The following CNOT4 variants were observed in gnomAD, a reference collection of about 807,000 sequenced individuals.
CNOT4 encodes CCR4-NOT transcription complex subunit 4.
CNOT4 carries 8 observed loss-of-function variants against 73.8 expected under a neutral mutation model. That is an observed-to-expected ratio of 0.11 (90% CI 0.06 to 0.20). The LOEUF (loss-of-function observed/expected upper bound fraction) is 0.20. Among genes scored for constraint, CNOT4 ranks in the 10% least tolerant of loss-of-function variants. The pLI is 1.00. For synonymous variants in CNOT4, 293 were observed against 321.1 expected (o/e 0.91, Z 0.94); for missense variants, 564 against 883.4 (o/e 0.64, Z 4.58).
At chr7:135,408,030 A>G (rs1039884421) in intron 7 of CNOT4, among the ~76,000 whole-genome samples, 1 of 152,228 alleles carries the variant, frequency 6.6e-6, no homozygotes, top group East Asian at 1.9e-4. Context: ...TTAAAATGAG[A>G]CAGCTTTTTT....
In CNOT4 at chr7:135,499,246, G is replaced by T. The variant is rs545650273; in HGVS notation, c.-93+10643C>A. ...GGGATGCTAGTTTGATTTGGAAAAG[G>T]CTAGACTGTATGTAGCCTCTCCAAC... is the stretch of plus-strand genomic sequence containing the variant. On this transcript the variant is annotated intron_variant, in intron 1 of 11. Coordinates refer to ENST00000541284, the MANE Select transcript of CNOT4 (RefSeq NM_001190850.2). Among the ~76,000 whole-genome samples, 168 of 152,172 alleles carry T rather than the reference G, an allele frequency of 1.1e-3. 1 individual carries two copies. Among genetic ancestry groups the T allele is most frequent in the South Asian group, 5.8e-3 (28 of 4,820 alleles).
chr7:135,446,568 ATTT>A (rs545221464), intron 1 of CNOT4, among the ~76,000 whole-genome samples: 1 of 152,176 alleles, frequency 6.6e-6, no homozygotes, highest in Non-Finnish European at 1.5e-5. Context: ...TAATAGATGA[ATTT>A]TTAATAACTT....
At chr7:135,462,422 T>C (rs1205003939) in intron 1 of CNOT4, among the ~76,000 whole-genome samples, 2 of 152,114 alleles carry the variant, frequency 1.3e-5, no homozygotes, top group East Asian at 1.9e-4. Context: ...TCATCCCATC[T>C]GCACTCTAAG....
chr7:135,411,304 G>T (rs1797576822), intron 6 of CNOT4, among the ~76,000 whole-genome samples: 1 of 152,014 alleles, frequency 6.6e-6, no homozygotes, highest in Non-Finnish European at 1.5e-5. Context: ...CTGGAACATG[G>T]TCATGCCCAT....
chr7:135,367,361 C>T (rs1046717571), intron 10 of CNOT4, among the ~76,000 whole-genome samples: 3 of 152,056 alleles, frequency 2.0e-5, no homozygotes, highest in African/African-American at 2.4e-5. Flanking sequence ...TACAATTCAA[C>T]GTGTATAAGT....
intron 1 of CNOT4, among the ~76,000 whole-genome samples, chr7:135,462,906 A>G (rs1393433964): frequency 6.6e-6 from 1 of 152,254 alleles, no homozygotes; most frequent in Non-Finnish European, 1.5e-5. Context: ...CGGATTTTAA[A>G]GGGATTAAAT....
intron 1 of CNOT4, among the ~76,000 whole-genome samples, chr7:135,475,433 A>C (rs1438649185): frequency 2.0e-5 from 3 of 152,234 alleles, no homozygotes; most frequent in African/African-American, 7.2e-5. Flanking sequence ...GAAAGCTCTC[A>C]GTGTGCAGTG....
In CNOT4 at chr7:135,380,077, G is replaced by A. The variant is rs7794756; in HGVS notation, c.1627+13841C>T. On this transcript the variant is annotated intron_variant, in intron 10 of 11. Coordinates refer to ENST00000541284, the MANE Select transcript of CNOT4 (RefSeq NM_001190850.2). The stretch of plus-strand genomic sequence containing the variant: ...ATTATCATCTTTAAATCCTTGTGGA[G>A]CTCTCCCTGTTTCCTTATGCTGAAA... Among the ~76,000 whole-genome samples the A allele has an allele frequency of 9.7e-4, 147 of 151,974 alleles. 1 individual carries two copies. The highest frequency in any genetic ancestry group is 3.4e-3 in the African/African-American group (140 of 41,422).
At chr7:135,378,482 CGA>C (rs1399934209) in intron 10 of CNOT4, among the ~76,000 whole-genome samples, 1 of 147,008 alleles carries the variant, frequency 6.8e-6, no homozygotes, top group Non-Finnish European at 1.5e-5. Context: ...CCAGCCTGGG[CGA>C]GAGTGTCTCA....
intron 1 of CNOT4, among the ~76,000 whole-genome samples, chr7:135,458,933 T>G (rs1800709710): frequency 6.6e-6 from 1 of 152,060 alleles, no homozygotes. Context: ...ATCAGGGATG[T>G]TATTAATGGC....
chr7:135,379,051 G>A (rs985973662), intron 10 of CNOT4, among the ~76,000 whole-genome samples: 1 of 151,470 alleles, frequency 6.6e-6, no homozygotes, highest in Non-Finnish European at 1.5e-5. Flanking sequence ...GAATCCAGTA[G>A]GAAAATCATA....
At chr7:135,467,460 C>T (rs914565296) in intron 1 of CNOT4, among the ~76,000 whole-genome samples, 17 of 152,038 alleles carry the variant, frequency 1.1e-4, no homozygotes, top group East Asian at 1.9e-4. Flanking sequence ...CCTGTAATCC[C>T]GGCACTTTGG....
intron 10 of CNOT4, among the ~76,000 whole-genome samples, chr7:135,371,490 G>A (rs1243807824): frequency 6.6e-6 from 1 of 152,082 alleles, no homozygotes; most frequent in Non-Finnish European, 1.5e-5. Flanking sequence ...AGAGGGAAAG[G>A]GCATCCCATA....
chr7:135,506,345 T>G (rs1346633385), intron 1 of CNOT4, among the ~76,000 whole-genome samples: 1 of 152,236 alleles, frequency 6.6e-6, no homozygotes, highest in Non-Finnish European at 1.5e-5. Context: ...ATTTCCCTAC[T>G]GTTTTCTTCA....
chr7:135,494,065 CAAA>C (rs34917518), intron 1 of CNOT4, among the ~76,000 whole-genome samples: 12 of 119,586 alleles, frequency 1.0e-4, no homozygotes, highest in Admixed American at 2.4e-4. Flanking sequence ...AAACCTGTAC[CAAA>C]AAAAAAAAAA....
chr7:135,433,279 T>G (rs556004950), intron 2 of CNOT4, among the ~76,000 whole-genome samples: 8 of 152,226 alleles, frequency 5.3e-5, no homozygotes, highest in African/African-American at 1.9e-4. Flanking sequence ...CAGTTATTTT[T>G]GCTATTATAT....
chr7:135,388,255 T>G (rs1050166156), intron 10 of CNOT4: 1 of 985,102 alleles, frequency 1.0e-6, no homozygotes, highest in Non-Finnish European at 1.2e-6. Context: ...ATGCATATTA[T>G]AGGATATAAA....
At chr7:135,406,548 C>G (rs1180079587) in intron 7 of CNOT4, among the ~76,000 whole-genome samples, 3 of 152,004 alleles carry the variant, frequency 2.0e-5, no homozygotes, top group Non-Finnish European at 1.5e-5. Context: ...GTAGTTTCAG[C>G]TATTCAGAAG....
At chr7:135,397,022 T>C (rs1449598298) in intron 8 of CNOT4, among the ~76,000 whole-genome samples, 1 of 152,154 alleles carries the variant, frequency 6.6e-6, no homozygotes, top group Non-Finnish European at 1.5e-5. Flanking sequence ...TCAATACTAC[T>C]AATAAAATTC....
Sources: gnomAD v4.1 joint callset for allele counts (sites outside exome capture counted in the v4.1 genomes callset) on GRCh38, gnomAD v4.1.1 for gene constraint, MANE v1.5 for transcripts, NCBI Gene and HGNC (gene_info 2026-07-23, HGNC 2026-07-21) for gene names.